The following AMDHD1 variants were observed in gnomAD, a reference collection of about 807,000 sequenced individuals.
The protein encoded by AMDHD1 is amidohydrolase domain containing 1.
A neutral mutation model predicts 44.1 loss-of-function variants in AMDHD1; 45 were observed. That is an observed-to-expected ratio of 1.02 (90% confidence interval 0.80 to 1.31). AMDHD1 has a LOEUF of 1.31. Ranked by LOEUF, AMDHD1 falls within the 50% of genes most tolerant of loss-of-function variation. The pLI is 0.00. For missense variants in AMDHD1, 586 were observed against 552.1 expected (o/e 1.06, Z -0.61); for synonymous variants, 206 against 205.0 (o/e 1.00, Z -0.04).
chr12:95,949,538 G>A (rs1030106520), intron 1 of AMDHD1, among the ~76,000 whole-genome samples: 6 of 152,012 alleles, frequency 3.9e-5, no homozygotes, highest in Admixed American at 1.3e-4. Context: ...TGTGATATAC[G>A]TTCATTGTAG....
Position 95,960,586 on chromosome 12 carries a change from T to C in AMDHD1, c.776T>C (p.Phe259Ser). The change falls in exon 5 of 9, where the codon TTC (phenylalanine) becomes TCC (serine). Residue 259 changes from phenylalanine to serine, a missense_variant. Transcript: ENST00000266736. ...RGKDIGLQIN[F>S]HGDELHPMKA... ...AAAGATATAGGGTTACAGATTAACT[T>C]CCATGGGGATGAACTCCACCCGATG... 6.2e-7 allele frequency: 1 copy of C among 1,614,230 alleles called. No individual in the cohort carries two copies. Among genetic ancestry groups the C allele is most frequent in the South Asian group, 1.1e-5 (1 of 91,086 alleles).
chr12:95,943,469 G>A lies in AMDHD1; in HGVS notation c.71G>A (p.Arg24His), dbSNP rs1485418439. 1.1e-5 allele frequency: 17 copies of A among 1,503,996 alleles called. No individual in the cohort carries two copies. The Admixed American group carries it at 1.5e-4, about 13-fold the overall frequency. 93.2% of individuals were successfully genotyped at this position (1,503,996 alleles called of 1,614,324 possible). The stretch of plus-strand genomic sequence containing the variant: ...GTGCTGGTGTGCGCCCGCGGCGAGC[G>A]CTTCCTGGCGCGGGATGCGCTGCGC... The part of the protein sequence containing the change: ...QVVLVCARGE[R>H]FLARDALRSL... The change falls in exon 1 of 9, where the codon CGC (arginine) becomes CAC (histidine). Residue 24 changes from arginine to histidine, a missense_variant. Physicochemically the swap from Arg to His is conservative, Grantham distance 29. Transcript: ENST00000266736.
chr12:95,966,577 T>G, intron 8 of AMDHD1, 69 bp downstream of exon 8: 1 of 1,549,604 alleles, frequency 6.5e-7, no homozygotes, highest in Non-Finnish European at 8.8e-7. Context: ...CCTAAATCCC[T>G]TTTCCACTAA....
In AMDHD1 at chr12:95,952,693, A is replaced by G. The variant is rs746572278; in HGVS notation, c.138-24A>G. The G allele has an allele frequency of 4.2e-6, 6 of 1,440,602 alleles. No individual in the cohort carries two copies. The Admixed American group carries it at 1.1e-4, about 26-fold the overall frequency. 89.2% of individuals were successfully genotyped at this position (1,440,602 alleles called of 1,614,324 possible). A position where few individuals can be genotyped will look rare whatever the true frequency, so the allele number is the denominator to read the frequency against. ...CTCACAAGATTTCCCCAAATTTAAT[A>G]ACTATTTCTTGATTTTTCTTCAGAG... On this transcript the variant is annotated intron_variant, in intron 1 of 8. Coordinates refer to ENST00000266736, the MANE Select transcript of AMDHD1 (RefSeq NM_152435.3).
intron 1 of AMDHD1, among the ~76,000 whole-genome samples, chr12:95,948,310 T>TGG (rs1219413257): frequency 4.0e-5 from 3 of 75,518 alleles, no homozygotes; most frequent in African/African-American, 1.8e-4. Context: ...GGGAGGGAGG[T>TGG]GGGGGGGTCA....
intron 2 of AMDHD1, among the ~76,000 whole-genome samples, chr12:95,953,401 T>C (rs571996842): frequency 1.4e-4 from 22 of 152,346 alleles, no homozygotes; most frequent in African/African-American, 5.1e-4. Context: ...ACAGAATCAG[T>C]TTATTAACCA....
chr12:95,960,485 C>T lies in AMDHD1; in HGVS notation c.675C>T (p.His225=), dbSNP rs1277558919. The T allele has an allele frequency of 9.9e-6, 16 of 1,614,088 alleles. No individual in the cohort carries two copies. The highest frequency in any genetic ancestry group is 2.2e-5 in the South Asian group (2 of 91,092). Residue 225 remains histidine (H), a synonymous_variant, in exon 5 of 9, where the codon CAC becomes CAT. Transcript: ENST00000266736. ...AACTTGGCAGAAATGGGGAAATACA[C>T]GTGGACAATATAGACGTATTTTGTG... The part of the protein sequence containing the change: ...LKELGRNGEI[H]VDNIDVFCEK...
chr12:95,968,633 G>A lies in AMDHD1; in HGVS notation c.*790G>A, dbSNP rs148626958. On this transcript the variant is annotated 3_prime_UTR_variant, in exon 9 of 9. Transcript: ENST00000266736. ...TTCAGCCTGGAAGTAGATCAGCAGC[G>A]TTGTCTATTAGAGTTTTTAGGAAAT... is the stretch of plus-strand genomic sequence containing the variant. 1 of 152,168 alleles carries A rather than the reference G, an allele frequency of 6.6e-6. No homozygotes were observed. Among genetic ancestry groups the A allele is most frequent in the Non-Finnish European group, 1.5e-5 (1 of 68,032 alleles). 9.4% of individuals were successfully genotyped at this position (152,168 alleles called of 1,614,324 possible).
intron 1 of AMDHD1, among the ~76,000 whole-genome samples, chr12:95,946,062 T>TGA (rs2080494259): frequency 1.1e-5 from 1 of 92,622 alleles, no homozygotes; most frequent in Non-Finnish European, 1.9e-5. Context: ...TCTTTCTCTC[T>TGA]GTGTGTGTGT....
At chr12:95,963,285 GCAATGTCT>G (rs1454535646) in intron 6 of AMDHD1, among the ~76,000 whole-genome samples, 1 of 152,106 alleles carries the variant, frequency 6.6e-6, no homozygotes, top group Middle Eastern at 3.2e-3. Context: ...GGGACATTTG[GCAATGTCT>G]CGAGACATTT....
chr12:95,965,624 T>C, intron 6 of AMDHD1, 62 bp from the exon 7 acceptor site: 1 of 1,127,670 alleles, frequency 8.9e-7, no homozygotes, highest in Non-Finnish European at 1.3e-6. Context: ...TCTTCTGTTC[T>C]GAACAGCTAT....
intron 6 of AMDHD1, 123 bp downstream of exon 6, chr12:95,962,602 A>G (rs2080588546): frequency 8.1e-7 from 1 of 1,231,290 alleles, no homozygotes; most frequent in South Asian, 1.9e-5. Flanking sequence ...AGATGAAGAA[A>G]ACTCAGCTAA....
intron 5 of AMDHD1, 142 bp downstream of exon 5, chr12:95,960,765 G>A (rs1351580440): frequency 1.1e-6 from 1 of 892,410 alleles, no homozygotes; most frequent in African/African-American, 1.7e-5. Flanking sequence ...GATTGGTCTG[G>A]TTGAGACTTG....
rs115058996 is a variant in AMDHD1, at chr12:95,954,284, T to C, written c.245-627T>C. Among the ~76,000 whole-genome samples, 1,140 of 152,186 alleles carry C rather than the reference T, an allele frequency of 7.5e-3. 11 individuals are homozygous for C. The highest frequency in any genetic ancestry group is 0.026 in the African/African-American group (1,086 of 41,530). On this transcript the variant is annotated intron_variant, in intron 2 of 8. Coordinates refer to ENST00000266736, the MANE Select transcript of AMDHD1 (RefSeq NM_152435.3). Reference sequence around the variant, plus strand: ...CTTGACAACCTAATTTCAAAGCTTATTTGGGCCAGGAGTAGTGGCTGATGC... The same window carrying C: ...CTTGACAACCTAATTTCAAAGCTTACTTGGGCCAGGAGTAGTGGCTGATGC...
chr12:95,955,352 T>C (rs1465281600), intron 3 of AMDHD1, among the ~76,000 whole-genome samples: 1 of 152,188 alleles, frequency 6.6e-6, no homozygotes. Context: ...TTTTCTGTTA[T>C]AAACTGAGAC....
At chr12:95,961,917 T>A (rs567890990) in intron 5 of AMDHD1, among the ~76,000 whole-genome samples, 4 of 152,384 alleles carry the variant, frequency 2.6e-5, no homozygotes, top group Non-Finnish European at 5.9e-5. Context: ...GGGATTGGGC[T>A]TACAACGGTT....
intron 1 of AMDHD1, among the ~76,000 whole-genome samples, chr12:95,949,515 C>G (rs1043151701): frequency 6.6e-6 from 1 of 152,056 alleles, no homozygotes; most frequent in African/African-American, 2.4e-5. Flanking sequence ...TTTGTATCCC[C>G]TAAAAAAGTA....
chr12:95,967,061 G>A (rs2080614750), intron 8 of AMDHD1, among the ~76,000 whole-genome samples: 1 of 152,146 alleles, frequency 6.6e-6, no homozygotes, highest in Non-Finnish European at 1.5e-5. Flanking sequence ...AGGTTTAATC[G>A]ACTCACAGTT....
At chr12:95,963,116 T>C (rs2080590944) in intron 6 of AMDHD1, among the ~76,000 whole-genome samples, 2 of 152,206 alleles carry the variant, frequency 1.3e-5, no homozygotes. Context: ...TTATATGATA[T>C]CCAAGATTGT....
Sources: allele counts gnomAD v4.1 joint callset (sites outside exome capture counted in the v4.1 genomes callset), GRCh38; gene constraint gnomAD v4.1.1; transcripts MANE v1.5; gene names NCBI Gene and HGNC (gene_info 2026-07-23, HGNC 2026-07-21).